Variants in ARSK observed in about 807,000 individuals in gnomAD.
The protein encoded by ARSK is arylsulfatase K.
A neutral mutation model predicts 53.2 loss-of-function variants in ARSK; 37 were observed. That is an observed-to-expected ratio of 0.70 (90% confidence interval 0.54 to 0.92). ARSK has a LOEUF of 0.92. Ranked by LOEUF, ARSK falls within the 40% of genes least tolerant of loss-of-function variation. The pLI is 0.00. For missense variants in ARSK, 613 were observed against 643.0 expected (o/e 0.95, Z 0.51); for synonymous variants, 208 against 223.2 (o/e 0.93, Z 0.61).
chr5:95,586,095 T>G (rs1298371441), intron 4 of ARSK, among the ~76,000 whole-genome samples: 1 of 152,168 alleles, frequency 6.6e-6, no homozygotes, highest in African/African-American at 2.4e-5. Context: ...TACATAAGCA[T>G]TTATATGTGT....
intron 2 of ARSK, 95 bp downstream of exon 2, chr5:95,566,222 A>T: frequency 6.9e-7 from 1 of 1,443,936 alleles, no homozygotes; most frequent in Non-Finnish European, 9.4e-7. Flanking sequence ...GAATAGTTGT[A>T]TTTGGCCTCA....
intron 1 of ARSK, among the ~76,000 whole-genome samples, chr5:95,559,167 A>G (rs191563988): frequency 1.8e-3 from 267 of 152,254 alleles, no homozygotes; most frequent in African/African-American, 6.3e-3. Flanking sequence ...AAAACAGTTC[A>G]TGCCTGATTC....
At chr5:95,598,131 C>T (rs1749344348) in intron 6 of ARSK, among the ~76,000 whole-genome samples, 1 of 152,146 alleles carries the variant, frequency 6.6e-6, no homozygotes. Context: ...GATCATCACA[C>T]ATATCCAGGC....
chr5:95,570,255 A>T (rs1267079536), intron 3 of ARSK, among the ~76,000 whole-genome samples: 1 of 152,204 alleles, frequency 6.6e-6, no homozygotes, highest in Non-Finnish European at 1.5e-5. Flanking sequence ...GTCTCATTTC[A>T]TACCACTCTC....
intron 3 of ARSK, among the ~76,000 whole-genome samples, chr5:95,573,591 GTGT>G (rs1580219963): frequency 6.6e-6 from 1 of 152,166 alleles, no homozygotes; most frequent in African/African-American, 2.4e-5. Context: ...ACAAGCTGCT[GTGT>G]TGTTTTTCCT....
chr5:95,565,784 T>C (rs1404735402), intron 1 of ARSK, among the ~76,000 whole-genome samples: 1 of 152,226 alleles, frequency 6.6e-6, no homozygotes, highest in Admixed American at 6.5e-5. Flanking sequence ...CTTTATTTAC[T>C]GTAGTTAAAT....
chr5:95,566,259 T>C (rs2112416094), intron 2 of ARSK, 132 bp downstream of exon 2: 1 of 1,158,910 alleles, frequency 8.6e-7, no homozygotes, highest in East Asian at 2.7e-5. Flanking sequence ...ATAAAAGATG[T>C]GCATTTTAAG....
At chr5:95,581,784 G>T (rs1485533784) in intron 3 of ARSK, among the ~76,000 whole-genome samples, 2 of 151,990 alleles carry the variant, frequency 1.3e-5, no homozygotes, top group Admixed American at 6.6e-5. Context: ...TTGTTTTGAT[G>T]GTGTGATGAA....
In ARSK at chr5:95,603,621, A is replaced by C. The variant is rs983928888; in HGVS notation, c.*95A>C. 6 of 1,234,090 alleles carry C rather than the reference A, an allele frequency of 4.9e-6. No homozygotes were observed. The highest frequency in any genetic ancestry group is 1.5e-5 in the African/African-American group (1 of 64,530). 76.4% of individuals were successfully genotyped at this position (1,234,090 alleles called of 1,614,324 possible). A position where few individuals can be genotyped will look rare whatever the true frequency, so the allele number is the denominator to read the frequency against. ...AAATGAAACAGTTTTAATAATTACC[A>C]AGTTTTGGCCGGGCACAGTGGCTCA... On this transcript the variant is annotated 3_prime_UTR_variant, in exon 8 of 8. Coordinates refer to ENST00000380009, the MANE Select transcript of ARSK (RefSeq NM_198150.3).
chr5:95,562,814 C>G (rs953818593), intron 1 of ARSK, among the ~76,000 whole-genome samples: 12 of 152,150 alleles, frequency 7.9e-5, no homozygotes, highest in African/African-American at 2.7e-4. Context: ...TTTGTTTGAA[C>G]CATAGGAATG....
At chr5:95,585,713 A>C (rs1222078482) in intron 4 of ARSK, among the ~76,000 whole-genome samples, 1 of 152,186 alleles carries the variant, frequency 6.6e-6, no homozygotes, top group Non-Finnish European at 1.5e-5. Context: ...AATTGGGTAC[A>C]GTGTATACTG....
At chr5:95,567,609 C>T (rs1050500029) in intron 2 of ARSK, among the ~76,000 whole-genome samples, 1 of 152,174 alleles carries the variant, frequency 6.6e-6, no homozygotes, top group Non-Finnish European at 1.5e-5. Context: ...CCTCTAGTCA[C>T]ACATGCTTTG....
intron 3 of ARSK, among the ~76,000 whole-genome samples, chr5:95,579,098 T>C (rs553149819): frequency 1.7e-3 from 255 of 152,306 alleles, no homozygotes; most frequent in African/African-American, 5.9e-3. Flanking sequence ...TGAAGCTCCA[T>C]TTTGATTATC....
chr5:95,557,399 T>G (rs1748540459), intron 1 of ARSK, among the ~76,000 whole-genome samples: 1 of 152,362 alleles, frequency 6.6e-6, no homozygotes, highest in Admixed American at 6.5e-5. Flanking sequence ...ATTTTTATAC[T>G]TATATCTTTT....
intron 4 of ARSK, among the ~76,000 whole-genome samples, chr5:95,584,721 G>A (rs1410485236): frequency 2.6e-5 from 4 of 151,972 alleles, no homozygotes; most frequent in Non-Finnish European, 5.9e-5. Flanking sequence ...CCATCAAAAA[G>A]TGGGCTAAGG....
At chr5:95,584,795 G>GGAA (rs1749082601) in intron 4 of ARSK, among the ~76,000 whole-genome samples, 3 of 152,146 alleles carry the variant, frequency 2.0e-5, no homozygotes, top group Admixed American at 2.0e-4. Context: ...TGGATCACCT[G>GGAA]AGGTCAGGAG....
At position 95,563,060 on chromosome 5, in the gene ARSK, A is replaced by T. The variant is rs550708187; in HGVS notation, c.127-2938A>T. Reference sequence around the variant, plus strand: ...TGAAATATTCTACTGACCGTCTCCCATTGATACCATTATCAGCAGTACTAG... The same window carrying T: ...TGAAATATTCTACTGACCGTCTCCCTTTGATACCATTATCAGCAGTACTAG... On this transcript the variant is annotated intron_variant, in intron 1 of 7. Coordinates refer to ENST00000380009, the MANE Select transcript of ARSK (RefSeq NM_198150.3). 5.3e-5 allele frequency among the ~76,000 whole-genome samples: 8 copies of T among 152,328 alleles called. No individual in the cohort carries two copies. The East Asian group carries it at 1.5e-3, about 29-fold the overall frequency.
At chr5:95,571,736 T>A (rs1322976557) in intron 3 of ARSK, among the ~76,000 whole-genome samples, 1 of 152,204 alleles carries the variant, frequency 6.6e-6, no homozygotes, top group Non-Finnish European at 1.5e-5. Flanking sequence ...GAAATTGAAA[T>A]AAGCCACCAG....
At chr5:95,579,502 A>G (rs557287373) in intron 3 of ARSK, among the ~76,000 whole-genome samples, 1 of 152,296 alleles carries the variant, frequency 6.6e-6, no homozygotes, top group East Asian at 1.9e-4. Context: ...GTATGGGGGA[A>G]ACCATCCCCA....
Sources: gnomAD v4.1 joint callset for allele counts (sites outside exome capture counted in the v4.1 genomes callset) on GRCh38, gnomAD v4.1.1 for gene constraint, MANE v1.5 for transcripts, NCBI Gene and HGNC (gene_info 2026-07-23, HGNC 2026-07-21) for gene names.